The following PRRX2 variants were observed in gnomAD, a reference collection of about 807,000 sequenced individuals.
The protein encoded by PRRX2 is paired mesoderm homeobox protein 2.
A neutral mutation model predicts 18.0 loss-of-function variants in PRRX2; 11 were observed. The ratio of observed to expected loss-of-function variants is 0.61; its 90% CI spans 0.39 to 1.01. PRRX2 has a LOEUF of 1.01. PRRX2 is among the 50% of genes least tolerant of loss of function. PRRX2 has a pLI of 0.01. For missense variants in PRRX2, 387 were observed against 351.0 expected (o/e 1.10, Z -0.82); for synonymous variants, 177 against 154.8 (o/e 1.14, Z -1.06).
rs755828117 is a variant in PRRX2 at position 129,720,617 on chromosome 9, GC to G, written c.471del (p.Lys158SerfsTer38). 1 of 1,611,250 alleles carries G rather than the reference GC, an allele frequency of 6.2e-7. No individual in the cohort carries two copies. The highest frequency in any genetic ancestry group is 8.5e-7 in the Non-Finnish European group (1 of 1,178,526). ...ACAGGTCTGGTTTCAGAACCGCCGC[GC>G]CAAGTTCCGCAGGAATGAAAGGGCC... ...RVQVWFQNRR[A>X]KFRRNERAML... is the part of the protein sequence containing the mutation. On this transcript the variant is annotated frameshift_variant, in exon 3 of 4. Transcript: ENST00000372469. LOFTEE classifies it high-confidence loss of function.
At chr9:129,689,034 G>A (rs1170773553) in intron 1 of PRRX2, among the ~76,000 whole-genome samples, 1 of 152,206 alleles carries the variant, frequency 6.6e-6, no homozygotes, top group South Asian at 2.1e-4. Context: ...CAGAAATGTT[G>A]TGTGTCGTTG....
chr9:129,705,589 T>C (rs1832547535), intron 1 of PRRX2, among the ~76,000 whole-genome samples: 1 of 151,548 alleles, frequency 6.6e-6, no homozygotes, highest in Non-Finnish European at 1.5e-5. Flanking sequence ...TCCTGACCTC[T>C]GGTGATCTGC....
At chr9:129,690,186 G>C (rs1045133544) in intron 1 of PRRX2, among the ~76,000 whole-genome samples, 7 of 152,120 alleles carry the variant, frequency 4.6e-5, no homozygotes, top group African/African-American at 1.4e-4. Flanking sequence ...TCTCCGCTGC[G>C]ATCCTCTGTT....
In PRRX2 at chr9:129,666,811, A is replaced by G. The variant is rs546457377; in HGVS notation, c.259+685A>G. The stretch of plus-strand genomic sequence containing the variant: ...CAAAGGCCCCAGCCCCGGACGGTTC[A>G]GTGGGGGAGGGGAGGACCGGAGTCC... On this transcript the variant is annotated intron_variant, in intron 1 of 3. Coordinates refer to ENST00000372469, the MANE Select transcript of PRRX2 (RefSeq NM_016307.4). Among the ~76,000 whole-genome samples the G allele has an allele frequency of 7.2e-5, 11 of 152,256 alleles. No homozygotes were observed. In the East Asian group the frequency reaches 1.7e-3, roughly 24 times the overall value.
In PRRX2 at chr9:129,675,827, C is replaced by T. The variant is rs547486288; in HGVS notation, c.259+9701C>T. Among the ~76,000 whole-genome samples, 6 of 152,342 alleles carry T rather than the reference C, an allele frequency of 3.9e-5. No homozygotes were observed. Among genetic ancestry groups the T allele is most frequent in the East Asian group, 3.9e-4 (2 of 5,184 alleles). Reference sequence around the variant, plus strand: ...CTGGCAGGGGCCTCGCAGCCTCTCTCGCCGCCAGAGCTCTGCGCGGGCCTC... The same window carrying T: ...CTGGCAGGGGCCTCGCAGCCTCTCTTGCCGCCAGAGCTCTGCGCGGGCCTC... On this transcript the variant is annotated intron_variant, in intron 1 of 3. Transcript: ENST00000372469. The surrounding 1 kb of genome is among the most constrained non-coding windows in gnomAD (Gnocchi z 4.4).
chr9:129,679,770 G>T (rs1832204523), intron 1 of PRRX2, among the ~76,000 whole-genome samples: 1 of 152,168 alleles, frequency 6.6e-6, no homozygotes, highest in Non-Finnish European at 1.5e-5. Context: ...GGCAGGGGCA[G>T]CCCCTCTTGT....
chr9:129,684,532 A>ACC (rs1554723052), intron 1 of PRRX2, among the ~76,000 whole-genome samples: 102 of 140,352 alleles, frequency 7.3e-4, no homozygotes, highest in Middle Eastern at 3.5e-3. Flanking sequence ...ACCCACACAC[A>ACC]CCCCAACAGA....
rs139009757 is a variant in PRRX2 at position 129,715,378 on chromosome 9, G to A, written c.260-3853G>A. Among the ~76,000 whole-genome samples, 265 of 152,164 alleles carry A rather than the reference G, an allele frequency of 1.7e-3. 1 individual carries two copies. The highest frequency in any genetic ancestry group is 5.6e-3 in the African/African-American group (233 of 41,508). ...TGGGAGGCTGAGGCAGGAGAATTGAGGTCAGGAGTTTAAGACCAGTCTTGG... is the reference window on the plus strand; with the variant it reads ...TGGGAGGCTGAGGCAGGAGAATTGAAGTCAGGAGTTTAAGACCAGTCTTGG... On this transcript the variant is annotated intron_variant, in intron 1 of 3. Coordinates refer to ENST00000372469, the MANE Select transcript of PRRX2 (RefSeq NM_016307.4). The surrounding 1 kb of genome is among the most constrained non-coding windows in gnomAD (Gnocchi z 4.0).
At chr9:129,703,801 A>G (rs756987906) in intron 1 of PRRX2, among the ~76,000 whole-genome samples, 3 of 152,110 alleles carry the variant, frequency 2.0e-5, no homozygotes, top group Non-Finnish European at 4.4e-5. Context: ...TCAGACTCAC[A>G]TTTTCCAGCA....
chr9:129,719,191 G>A, intron 1 of PRRX2, 40 bp from the exon 2 acceptor site: 1 of 1,497,324 alleles, frequency 6.7e-7, no homozygotes, highest in East Asian at 2.4e-5. Context: ...TGTAGCCACT[G>A]GCCGTCCTGC....
At chr9:129,676,997 C>T (rs1472595341) in intron 1 of PRRX2, among the ~76,000 whole-genome samples, 1 of 152,224 alleles carries the variant, frequency 6.6e-6, no homozygotes, top group Non-Finnish European at 1.5e-5. Context: ...GTATGTTAAA[C>T]TCCGTGCCTC....
At chr9:129,693,139 A>G (rs956173743) in intron 1 of PRRX2, among the ~76,000 whole-genome samples, 1 of 152,106 alleles carries the variant, frequency 6.6e-6, no homozygotes, top group Non-Finnish European at 1.5e-5. Context: ...GCATTTCCCC[A>G]GTGATACAAG....
Position 129,683,794 on chromosome 9 carries a change from T to C in PRRX2, c.259+17668T>C, listed in dbSNP as rs73670169. 7.5e-3 allele frequency among the ~76,000 whole-genome samples: 1,146 copies of C among 151,950 alleles called. 11 individuals are homozygous for C. The highest frequency in any genetic ancestry group is 0.026 in the African/African-American group (1,079 of 41,428). ...GTAATTTACTGCAGTGCTGTTAAAT[T>C]CCACCGAAGAGAAGCACAGGGGCCT... On this transcript the variant is annotated intron_variant, in intron 1 of 3. Transcript: ENST00000372469.
chr9:129,694,992 A>G (rs1588168473), intron 1 of PRRX2, among the ~76,000 whole-genome samples: 1 of 152,144 alleles, frequency 6.6e-6, no homozygotes, highest in African/African-American at 2.4e-5. Flanking sequence ...AGGGCTCACC[A>G]TGGAGGAGGA....
intron 1 of PRRX2, among the ~76,000 whole-genome samples, chr9:129,685,253 G>A (rs1174102647): frequency 6.6e-6 from 1 of 152,362 alleles, no homozygotes; most frequent in Non-Finnish European, 1.5e-5. Flanking sequence ...TCCCCCTCAC[G>A]TTACATTAAG....
chr9:129,706,156 C>T (rs1011414982), intron 1 of PRRX2, among the ~76,000 whole-genome samples: 3 of 152,164 alleles, frequency 2.0e-5, no homozygotes, highest in African/African-American at 7.2e-5. Flanking sequence ...TTAAAGTGCA[C>T]AGTCCAGGGC....
chr9:129,690,112 T>G (rs1832343462), intron 1 of PRRX2, among the ~76,000 whole-genome samples: 1 of 152,092 alleles, frequency 6.6e-6, no homozygotes, highest in African/African-American at 2.4e-5. Flanking sequence ...CCCGTGCAGC[T>G]AGGGCCGAGG....
chr9:129,713,796 AATTT>A (rs574830957), intron 1 of PRRX2, among the ~76,000 whole-genome samples: 11 of 150,950 alleles, frequency 7.3e-5, no homozygotes, highest in East Asian at 2.0e-4. Context: ...ATGCCTGGCT[AATTT>A]ATTTATTTAT....
chr9:129,719,123 C>G (rs1210151518), intron 1 of PRRX2, 108 bp from the exon 2 acceptor site: 1 of 1,090,516 alleles, frequency 9.2e-7, no homozygotes, highest in Non-Finnish European at 1.3e-6. Flanking sequence ...GGACGCATTC[C>G]TGGCGGCGGC....
Sources: allele counts gnomAD v4.1 joint callset (sites outside exome capture counted in the v4.1 genomes callset), GRCh38; gene constraint gnomAD v4.1.1; non-coding constraint Gnocchi (gnomAD v3.1); transcripts MANE v1.5; gene names NCBI Gene and HGNC (gene_info 2026-07-23, HGNC 2026-07-21).